The following ANK3 variants were observed in gnomAD, a reference collection of about 807,000 sequenced individuals.
ANK3 encodes the protein ankyrin-3.
Under a neutral mutation model 370.9 loss-of-function variants are expected in ANK3, and 57 were observed. The ratio of observed to expected loss-of-function variants is 0.15; its 90% confidence interval spans 0.12 to 0.19. ANK3 has a LOEUF of 0.19. Ranked by LOEUF, ANK3 falls within the 10% of genes least tolerant of loss-of-function variation. The pLI is 1.00. For synonymous variants in ANK3, 1,929 were observed against 1,946.3 expected (o/e 0.99, Z 0.23); for missense variants, 4,439 against 5,302.1 (o/e 0.84, Z 5.06).
chr10:60,492,524 A>T (rs535781585), intron 2 of ANK3, among the ~76,000 whole-genome samples: 1 of 149,922 alleles, frequency 6.7e-6, no homozygotes, highest in South Asian at 2.1e-4. Flanking sequence ...TGGCTAACAC[A>T]GTGAAACCCC....
At chr10:60,311,474 CAAA>C (rs57897005) in intron 1 of ANK3, among the ~76,000 whole-genome samples, 3,891 of 125,776 alleles carry the variant, frequency 0.031, 127 homozygotes, top group African/African-American at 0.096. Context: ...ATATGGAAGC[CAAA>C]AAAAAAAAAA....
In ANK3 at chr10:60,033,536, A is replaced by ATAAC. The variant is rs35202181; in HGVS notation, c.*20-3711_*20-3710insGTTA. Among the ~76,000 whole-genome samples the ATAAC allele has an allele frequency of 4.5e-4, 44 of 98,396 alleles. 1 individual carries two copies. Among genetic ancestry groups the ATAAC allele is most frequent in the Non-Finnish European group, 8.0e-5 (4 of 49,790 alleles). 64.6% of individuals were successfully genotyped at this position (98,396 alleles called of 152,430 possible). A position where few individuals can be genotyped will look rare whatever the true frequency, so the allele number is the denominator to read the frequency against. ...TCTCAAAAAAAAAAAAAAAAAAAAA[A>ATAAC]AAACTTGGAAACAGCAATTCATTGG... On this transcript the variant is annotated intron_variant, in intron 43 of 43. Coordinates refer to ENST00000280772, the MANE Select transcript of ANK3 (RefSeq NM_020987.5).
chr10:60,638,227 T>A (rs1163405628), intron 1 of ANK3, among the ~76,000 whole-genome samples: 1 of 152,154 alleles, frequency 6.6e-6, no homozygotes, highest in African/African-American at 2.4e-5. Context: ...TACACAGGTT[T>A]ACAAATAATT....
chr10:60,500,911 T>C (rs1220729054), intron 2 of ANK3, among the ~76,000 whole-genome samples: 1 of 152,170 alleles, frequency 6.6e-6, no homozygotes, highest in Admixed American at 6.5e-5. Context: ...GGTAATTATA[T>C]CCTGTTATTA....
chr10:60,222,783 T>C (rs2132491215), intron 8 of ANK3, among the ~76,000 whole-genome samples: 1 of 150,380 alleles, frequency 6.6e-6, no homozygotes, highest in South Asian at 2.1e-4. Context: ...TGTTTTACTG[T>C]CTTGCCCACG....
intron 2 of ANK3, among the ~76,000 whole-genome samples, chr10:60,553,913 C>G (rs1008916620): frequency 6.6e-6 from 1 of 152,114 alleles, no homozygotes; most frequent in Non-Finnish European, 1.5e-5. Flanking sequence ...AAGGACTGAG[C>G]TGGTTGATTG....
chr10:60,375,511 G>A (rs1257550655), intron 1 of ANK3, among the ~76,000 whole-genome samples: 1 of 151,892 alleles, frequency 6.6e-6, no homozygotes. Context: ...GGGGAGGGGG[G>A]AAGGACTGGT....
At position 60,181,395 on chromosome 10, in the gene ANK3, T is replaced by C. The variant is rs2096182415; in HGVS notation, c.2118A>G (p.Gln706=). Residue 706 remains glutamine, a synonymous_variant, in exon 18 of 44, where the codon CAA becomes CAG. Transcript: ENST00000280772. ...CTTCTGCCACATTCACTCGATCTTCTTGAGCAGCCAAATGGAGTGGGGTCA... is the reference window on the plus strand; with the variant it reads ...CTTCTGCCACATTCACTCGATCTTCCTGAGCAGCCAAATGGAGTGGGGTCA... ...SGLTPLHLAA[Q]EDRVNVAEVL... 6.2e-7 allele frequency: 1 copy of C among 1,614,164 alleles called. No homozygotes were observed.
At chr10:60,097,584 T>C (rs946885836) in intron 28 of ANK3, among the ~76,000 whole-genome samples, 3 of 152,252 alleles carry the variant, frequency 2.0e-5, no homozygotes, top group African/African-American at 7.2e-5. Flanking sequence ...TATAAATGGT[T>C]ATGGAGACCA....
intron 2 of ANK3, among the ~76,000 whole-genome samples, chr10:60,396,944 C>G (rs1323330299): frequency 2.0e-5 from 3 of 152,076 alleles, no homozygotes; most frequent in African/African-American, 4.8e-5. Context: ...ATTTTTGCAT[C>G]CTTTTATGTT....
At chr10:60,616,459 A>T (rs1039954544) in intron 1 of ANK3, among the ~76,000 whole-genome samples, 37 of 152,274 alleles carry the variant, frequency 2.4e-4, no homozygotes, top group African/African-American at 7.7e-4. Flanking sequence ...CAAGATTGAA[A>T]TTATTTCACA....
rs1438690190 is a variant in ANK3, at chr10:60,668,036, C to A, written c.58-52812G>T. On this transcript the variant is annotated intron_variant, in intron 1 of 43. Coordinates refer to the ANK3 transcript ENST00000373827. ...CCACTTCTAGCAAATTCCCAGGTGA[C>A]TTTGATGATGCTGGCTTGCAGAATC... 5.9e-5 allele frequency among the ~76,000 whole-genome samples: 9 copies of A among 151,540 alleles called. 1 individual carries two copies. Among genetic ancestry groups the A allele is most frequent in the Admixed American group, 2.0e-4 (3 of 15,266 alleles).
intron 8 of ANK3, among the ~76,000 whole-genome samples, chr10:60,231,286 ATCT>A (rs2097240011): frequency 6.6e-6 from 1 of 152,226 alleles, no homozygotes; most frequent in Non-Finnish European, 1.5e-5. Flanking sequence ...AGCTCTAAGA[ATCT>A]TCTTTTAAAC....
At chr10:60,104,109 C>T (rs1346757756) in intron 28 of ANK3, among the ~76,000 whole-genome samples, 1 of 151,808 alleles carries the variant, frequency 6.6e-6, no homozygotes, top group Non-Finnish European at 1.5e-5. Context: ...GAGAGGATCA[C>T]AAAAAGTAAC....
intron 41 of ANK3, among the ~76,000 whole-genome samples, chr10:60,058,263 C>A (rs185204710): frequency 6.6e-6 from 1 of 152,270 alleles, no homozygotes; most frequent in East Asian, 1.9e-4. Context: ...AAACTACATT[C>A]CTAATGGTGG....
intron 1 of ANK3, among the ~76,000 whole-genome samples, chr10:60,697,278 TC>T (rs1372635573): frequency 6.6e-6 from 1 of 151,346 alleles, no homozygotes; most frequent in Non-Finnish European, 1.5e-5. Flanking sequence ...GGAAGAACAT[TC>T]CATGCTCATG....
At chr10:60,491,248 T>C (rs2075494541) in intron 2 of ANK3, among the ~76,000 whole-genome samples, 1 of 152,150 alleles carries the variant, frequency 6.6e-6, no homozygotes, top group Non-Finnish European at 1.5e-5. Context: ...TGTATATTAG[T>C]CTTTTTGTAG....
chr10:60,577,621 C>T (rs1378577436), intron 2 of ANK3, among the ~76,000 whole-genome samples: 1 of 152,130 alleles, frequency 6.6e-6, no homozygotes, highest in Non-Finnish European at 1.5e-5. Context: ...GTGAGGCGTC[C>T]CCAGCCATGT....
At chr10:60,415,923 A>ACCCCCCCCCCCC (rs60397919) in intron 2 of ANK3, among the ~76,000 whole-genome samples, 3 of 62,658 alleles carry the variant, frequency 4.8e-5, no homozygotes, top group Non-Finnish European at 6.2e-5. Flanking sequence ...TGTGCCCCCC[A>ACCCCCCCCCCCC]CCCCCCCGCC....
Sources: allele counts gnomAD v4.1 joint callset (sites outside exome capture counted in the v4.1 genomes callset), GRCh38; gene constraint gnomAD v4.1.1; transcripts MANE v1.5; gene names NCBI Gene and HGNC (gene_info 2026-07-23, HGNC 2026-07-21).